RBFOX3: variants seen among roughly 807,000 people sequenced by gnomAD.
RBFOX3 encodes the protein RNA binding fox-1 homolog 3.
RBFOX3 carries 17 observed loss-of-function variants against 48.7 expected under a neutral mutation model. The ratio of observed to expected loss-of-function variants is 0.35; its 90% CI spans 0.24 to 0.52. RBFOX3 has a LOEUF of 0.52. Ranked by LOEUF, RBFOX3 falls within the 20% of genes least tolerant of loss-of-function variation. The pLI, the probability that RBFOX3 is intolerant of heterozygous loss-of-function variation, is 0.94. For missense variants in RBFOX3, 382 were observed against 497.5 expected (o/e 0.77, Z 2.21); for synonymous variants, 212 against 209.5 (o/e 1.01, Z -0.10).
intron 4 of RBFOX3, among the ~76,000 whole-genome samples, chr17:79,191,747 G>C (rs181058216): frequency 1.7e-4 from 26 of 152,274 alleles, no homozygotes; most frequent in Non-Finnish European, 3.1e-4. Context: ...GGAAGCAAAG[G>C]AACAGATGCA....
At position 79,204,674 on chromosome 17, in the gene RBFOX3, G is replaced by A. The variant is rs558315033; in HGVS notation, c.-34+31092C>T. 1.3e-3 allele frequency among the ~76,000 whole-genome samples: 203 copies of A among 152,234 alleles called. No homozygotes were observed. Among genetic ancestry groups the A allele is most frequent in the African/African-American group, 4.6e-3 (192 of 41,534 alleles). ...AAATGCAATTCTGGGGTGGGGGACC[G>A]CTGAGGCATTTGGAAAGCTTCGTGG... is the stretch of plus-strand genomic sequence containing the variant. On this transcript the variant is annotated intron_variant, in intron 4 of 14. Transcript: ENST00000693108. The surrounding 1 kb of genome is among the most constrained non-coding windows in gnomAD (Gnocchi z 4.5).
chr17:79,113,234 A>G (rs1309446279), intron 5 of RBFOX3, among the ~76,000 whole-genome samples: 1 of 151,972 alleles, frequency 6.6e-6, no homozygotes, highest in Non-Finnish European at 1.5e-5. Flanking sequence ...TCTGGGAGGA[A>G]GGAGCTCCTG....
intron 3 of RBFOX3, among the ~76,000 whole-genome samples, chr17:79,302,369 T>C (rs923196557): frequency 6.6e-6 from 1 of 152,212 alleles, no homozygotes; most frequent in Admixed American, 6.5e-5. Flanking sequence ...TTCTGGTTCC[T>C]GGCAAGCACT....
intron 2 of RBFOX3, among the ~76,000 whole-genome samples, chr17:79,353,789 C>T (rs1415092411): frequency 6.6e-6 from 1 of 152,110 alleles, no homozygotes; most frequent in Non-Finnish European, 1.5e-5. Flanking sequence ...GCAGAGTGCT[C>T]CTGAGGCACG....
intron 2 of RBFOX3, among the ~76,000 whole-genome samples, chr17:79,445,045 C>A (rs2071949259): frequency 1.3e-5 from 2 of 152,082 alleles, no homozygotes; most frequent in African/African-American, 4.8e-5. Context: ...AGCATGACGT[C>A]CTCAAGGTTC....
At chr17:79,620,436 CATGCACAT>C in the RBFOX3 span, among the ~76,000 whole-genome samples, 1 of 144,866 alleles carries the variant, frequency 6.9e-6, no homozygotes, top group African/African-American at 2.5e-5. Context: ...CACGTGCACA[CATGCACAT>C]GCACACATGC....
At chr17:79,607,377 C>CA (rs1395093140) in intron 1 of RBFOX3, among the ~76,000 whole-genome samples, 1 of 152,070 alleles carries the variant, frequency 6.6e-6, no homozygotes. Flanking sequence ...GACAACCGAC[C>CA]AAAACTTGCA....
intron 4 of RBFOX3, among the ~76,000 whole-genome samples, chr17:79,176,819 A>G (rs1402167524): frequency 6.6e-6 from 1 of 152,176 alleles, no homozygotes; most frequent in Non-Finnish European, 1.5e-5. Flanking sequence ...AAAGGTGAAA[A>G]GGGAGAAGAT....
At position 79,162,358 on chromosome 17, in the gene RBFOX3, G is replaced by A. The variant is rs113777169; in HGVS notation, c.-33-46610C>T. Among the ~76,000 whole-genome samples, 529 of 152,272 alleles carry A rather than the reference G, an allele frequency of 3.5e-3. 6 individuals carry two copies. Among genetic ancestry groups the A allele is most frequent in the African/African-American group, 0.012 (507 of 41,548 alleles). On this transcript the variant is annotated intron_variant, in intron 4 of 14. Coordinates refer to ENST00000693108, the MANE Select transcript of RBFOX3 (RefSeq NM_001350451.2). ...GGCCCACCCTGCAAGGTGAGACGTCGGACAAGGCCGCCCCCAGCCCGGTGA... is the reference window on the plus strand; with the variant it reads ...GGCCCACCCTGCAAGGTGAGACGTCAGACAAGGCCGCCCCCAGCCCGGTGA...
chr17:79,110,090 C>T (rs1383834005), intron 5 of RBFOX3, among the ~76,000 whole-genome samples: 1 of 151,052 alleles, frequency 6.6e-6, no homozygotes, highest in Non-Finnish European at 1.5e-5. Context: ...GCAGCCTCCA[C>T]CGCCTTTCCA....
intron 1 of RBFOX3, among the ~76,000 whole-genome samples, chr17:79,520,021 G>A (rs2085834426): frequency 6.6e-6 from 1 of 152,188 alleles, no homozygotes; most frequent in Non-Finnish European, 1.5e-5. Context: ...CTCAACCTCA[G>A]TGGTCCACAA....
rs543050078 is a variant in RBFOX3 at position 79,136,908 on chromosome 17, C to T, written c.-33-21160G>A. Among the ~76,000 whole-genome samples the T allele has an allele frequency of 9.4e-4, 143 of 152,246 alleles. 1 individual carries two copies. Among genetic ancestry groups the T allele is most frequent in the Non-Finnish European group, 1.8e-3 (120 of 67,994 alleles). Reference sequence around the variant, plus strand: ...TCTCACAGTCTTAAGCCAGAGTGGACGATTCACACTCGCTCTAAGAAGGAG... The same window carrying T: ...TCTCACAGTCTTAAGCCAGAGTGGATGATTCACACTCGCTCTAAGAAGGAG... On this transcript the variant is annotated intron_variant, in intron 4 of 14. Coordinates refer to ENST00000693108, the MANE Select transcript of RBFOX3 (RefSeq NM_001350451.2).
rs1163406029 is a variant in RBFOX3 at position 79,421,262 on chromosome 17, C to T, written c.-175+61192G>A. Among the ~76,000 whole-genome samples the T allele has an allele frequency of 6.6e-6, 1 of 152,188 alleles. No homozygotes were observed. The highest frequency in any genetic ancestry group is 1.5e-5 in the Non-Finnish European group (1 of 68,032). ...TCTTTTAGCTGTAATGAACCCTGAG[C>T]GTGAGAACCATGACTGCTGGGCTCC... On this transcript the variant is annotated intron_variant, in intron 2 of 14. Coordinates refer to ENST00000693108, the MANE Select transcript of RBFOX3 (RefSeq NM_001350451.2). This position sits in a 1 kb window ranked among gnomAD's most constrained non-coding sequence, Gnocchi z 4.5.
rs146813199 is a variant in RBFOX3, at chr17:79,137,057, G to A, written c.-33-21309C>T. ...CTCCCAGAGGTCCAGGCCCTCCTCC[G>A]GCTCGAGATCTTCCCTTCACCAGAG... On this transcript the variant is annotated intron_variant, in intron 4 of 14. Transcript: ENST00000693108. Among the ~76,000 whole-genome samples the A allele has an allele frequency of 6.2e-4, 95 of 152,196 alleles. 1 individual carries two copies. Among genetic ancestry groups the A allele is most frequent in the African/African-American group, 2.2e-3 (91 of 41,492 alleles).
chr17:79,096,020 T>C (rs2075159899), intron 12 of RBFOX3, among the ~76,000 whole-genome samples: 1 of 152,124 alleles, frequency 6.6e-6, no homozygotes, highest in African/African-American at 2.4e-5. Context: ...CTGGATAGTG[T>C]CCTGGACACC....
rs2062754392 is a variant in RBFOX3, at chr17:79,243,865, A to G, written c.-73-8060T>C. ...CACCAAGCAGATGGCAGTGGAGGAG[A>G]CAGAGACCCCACTGAGGATGCAGAA... On this transcript the variant is annotated intron_variant, in intron 3 of 14. Coordinates refer to ENST00000693108, the MANE Select transcript of RBFOX3 (RefSeq NM_001350451.2). The surrounding 1 kb of genome is among the most constrained non-coding windows in gnomAD (Gnocchi z 7.9). 6.6e-6 allele frequency among the ~76,000 whole-genome samples: 1 copy of G among 152,072 alleles called. No individual in the cohort carries two copies. Among genetic ancestry groups the G allele is most frequent in the African/African-American group, 2.4e-5 (1 of 41,412 alleles).
intron 1 of RBFOX3, among the ~76,000 whole-genome samples, chr17:79,531,034 G>A (rs973801381): frequency 1.2e-4 from 18 of 152,344 alleles, no homozygotes; most frequent in Non-Finnish European, 2.4e-4. Flanking sequence ...CCCTAAGGTC[G>A]CTGGGGCTTT....
chr17:79,164,418 C>T (rs750102138), intron 4 of RBFOX3, among the ~76,000 whole-genome samples: 1 of 152,152 alleles, frequency 6.6e-6, no homozygotes, highest in Non-Finnish European at 1.5e-5. Flanking sequence ...CTGTGCAGTC[C>T]GCAGCTTGGG....
At chr17:79,222,319 A>C (rs1945501480) in intron 4 of RBFOX3, among the ~76,000 whole-genome samples, 1 of 152,238 alleles carries the variant, frequency 6.6e-6, no homozygotes, top group Non-Finnish European at 1.5e-5. Flanking sequence ...CCTAAGATCC[A>C]TCTAAACCAA....
Sources: allele counts gnomAD v4.1 joint callset (sites outside exome capture counted in the v4.1 genomes callset), GRCh38; gene constraint gnomAD v4.1.1; non-coding constraint Gnocchi (gnomAD v3.1); transcripts MANE v1.5; gene names NCBI Gene and HGNC (gene_info 2026-07-23, HGNC 2026-07-21).